EFNA5: variants seen among roughly 807,000 people sequenced by gnomAD.
EFNA5 encodes ephrin-A5.
EFNA5 carries 5 observed loss-of-function variants against 22.9 expected under a neutral mutation model. That is an observed-to-expected ratio of 0.22 (90% CI 0.11 to 0.46). The LOEUF (loss-of-function observed/expected upper bound fraction) is 0.46. Among genes scored for constraint, EFNA5 ranks in the 20% least tolerant of loss-of-function variants. The pLI is 0.99. For synonymous variants in EFNA5, 113 were observed against 112.2 expected, an observed-to-expected ratio of 1.01 and a Z score of -0.04; for missense variants, 237 against 293.3, an observed-to-expected ratio of 0.81 and a Z score of 1.40.
chr5:107,391,050 T>C (rs1398784339), intron 2 of EFNA5, among the ~76,000 whole-genome samples: 1 of 152,114 alleles, frequency 6.6e-6, no homozygotes, highest in East Asian at 1.9e-4. Flanking sequence ...TCCCAGCTAC[T>C]CGGGAGGCTA....
intron 1 of EFNA5, among the ~76,000 whole-genome samples, chr5:107,556,190 G>T (rs1297020339): frequency 6.6e-6 from 1 of 152,168 alleles, no homozygotes; most frequent in Non-Finnish European, 1.5e-5. Flanking sequence ...GGCACTCACA[G>T]TTTCCTATCC....
intron 1 of EFNA5, among the ~76,000 whole-genome samples, chr5:107,549,198 G>C (rs1748232655): frequency 6.6e-6 from 1 of 152,170 alleles, no homozygotes; most frequent in South Asian, 2.1e-4. Flanking sequence ...TGATTTACAT[G>C]ATAGTTTTTC....
intron 1 of EFNA5, among the ~76,000 whole-genome samples, chr5:107,559,978 C>G (rs1006460290): frequency 1.3e-5 from 2 of 152,174 alleles, no homozygotes; most frequent in Admixed American, 1.3e-4. Flanking sequence ...AAGGAACAGG[C>G]TGGCTGTGGG....
intron 1 of EFNA5, among the ~76,000 whole-genome samples, chr5:107,563,616 G>A (rs570375212): frequency 6.6e-6 from 1 of 151,926 alleles, no homozygotes; most frequent in African/African-American, 2.4e-5. Context: ...TTCATTTTTT[G>A]TAGAAATGGG....
At chr5:107,475,950 T>C (rs1220435364) in intron 1 of EFNA5, among the ~76,000 whole-genome samples, 1 of 148,092 alleles carries the variant, frequency 6.8e-6, no homozygotes, top group Non-Finnish European at 1.5e-5. Flanking sequence ...ACTGTGTTCA[T>C]GTTTTTCACA....
chr5:107,571,512 T>C (rs1268308944), intron 1 of EFNA5, among the ~76,000 whole-genome samples: 1 of 151,158 alleles, frequency 6.6e-6, no homozygotes, highest in Non-Finnish European at 1.5e-5. Flanking sequence ...ATGCTGAAGC[T>C]GCTTATAAAT....
rs1747444836 is a variant in EFNA5 at position 107,381,159 on chromosome 5, C to G, written c.*96G>C. 6.8e-7 allele frequency: 1 copy of G among 1,468,954 alleles called. No homozygotes were observed. The highest frequency in any genetic ancestry group is 2.4e-5 in the East Asian group (1 of 42,462). 91.0% of individuals were successfully genotyped at this position (1,468,954 alleles called of 1,614,324 possible). On this transcript the variant is annotated 3_prime_UTR_variant, in exon 5 of 5. Coordinates refer to ENST00000333274, the MANE Select transcript of EFNA5 (RefSeq NM_001962.3). ...CAAAAATCTGACATCTGCCAAAACC[C>G]AATAACAAGTCCCTTCTTAGGATGA...
intron 1 of EFNA5, among the ~76,000 whole-genome samples, chr5:107,639,327 G>A (rs925122696): frequency 3.9e-5 from 6 of 152,218 alleles, no homozygotes; most frequent in Non-Finnish European, 8.8e-5. Flanking sequence ...GCTAGCAGCA[G>A]AAGCTCAGTG....
At chr5:107,397,881 A>G (rs1747972037) in intron 2 of EFNA5, among the ~76,000 whole-genome samples, 1 of 152,178 alleles carries the variant, frequency 6.6e-6, no homozygotes, top group Non-Finnish European at 1.5e-5. Context: ...AGGACAGCCA[A>G]TCTCAGGGAC....
chr5:107,497,243 A>C (rs1747011502), intron 1 of EFNA5, among the ~76,000 whole-genome samples: 1 of 152,236 alleles, frequency 6.6e-6, no homozygotes, highest in Admixed American at 6.5e-5. Flanking sequence ...CTCCTAACTC[A>C]TTTGTAGGAA....
At chr5:107,645,681 A>T (rs1750621734) in intron 1 of EFNA5, among the ~76,000 whole-genome samples, 1 of 152,214 alleles carries the variant, frequency 6.6e-6, no homozygotes, top group Non-Finnish European at 1.5e-5. Context: ...AAAGTCATGA[A>T]TTCTTTACAG....
At chr5:107,390,744 T>C (rs1747770501) in intron 2 of EFNA5, among the ~76,000 whole-genome samples, 2 of 151,788 alleles carry the variant, frequency 1.3e-5, no homozygotes, top group South Asian at 2.1e-4. Context: ...TCACTATATA[T>C]AACTTCTTGT....
chr5:107,657,054 GGAACATAT>G (rs1397534293), intron 1 of EFNA5, among the ~76,000 whole-genome samples: 1 of 152,018 alleles, frequency 6.6e-6, no homozygotes, highest in East Asian at 1.9e-4. Context: ...AATCTGTATA[GGAACATAT>G]ATTAGTATAT....
At chr5:107,449,869 A>C (rs1749509647) in intron 1 of EFNA5, among the ~76,000 whole-genome samples, 2 of 152,206 alleles carry the variant, frequency 1.3e-5, no homozygotes, top group Non-Finnish European at 2.9e-5. Flanking sequence ...CCTTAAGTGC[A>C]GGGAAAATTT....
chr5:107,617,522 G>C (rs956123655), intron 1 of EFNA5, among the ~76,000 whole-genome samples: 1 of 152,062 alleles, frequency 6.6e-6, no homozygotes, highest in South Asian at 2.1e-4. Context: ...AGCTTTCCCC[G>C]CCACCATTAT....
intron 1 of EFNA5, among the ~76,000 whole-genome samples, chr5:107,562,267 A>G (rs1748564548): frequency 6.6e-6 from 1 of 152,158 alleles, no homozygotes. Context: ...CCAAATTAAT[A>G]CCAGTGAAGT....
In EFNA5 at chr5:107,637,709, TAC is replaced by T. The variant is rs1275731225; in HGVS notation, c.125+32778_125+32779del. On this transcript the variant is annotated intron_variant, in intron 1 of 4. Transcript: ENST00000333274. ...TAATCAGTTTAAATTTAAAAGCCCC[TAC>T]AGATTATATATAATATATAATTTAT... 2.7e-5 allele frequency among the ~76,000 whole-genome samples: 4 copies of T among 148,574 alleles called. No individual in the cohort carries two copies. The Admixed American group carries it at 2.7e-4, about 10-fold the overall frequency.
intron 1 of EFNA5, among the ~76,000 whole-genome samples, chr5:107,446,242 T>C (rs1034234302): frequency 8.5e-5 from 13 of 152,236 alleles, no homozygotes; most frequent in Non-Finnish European, 1.5e-4. Context: ...GTGCTCAGTA[T>C]GTATTAAAAC....
intron 1 of EFNA5, among the ~76,000 whole-genome samples, chr5:107,634,517 A>G (rs1026135084): frequency 1.4e-5 from 2 of 147,496 alleles, no homozygotes; most frequent in Non-Finnish European, 3.0e-5. Context: ...CCTCTCACAA[A>G]AAAAGAAGAA....
Sources: gnomAD v4.1 joint callset for allele counts (sites outside exome capture counted in the v4.1 genomes callset) on GRCh38, gnomAD v4.1.1 for gene constraint, MANE v1.5 for transcripts, NCBI Gene and HGNC (gene_info 2026-07-23, HGNC 2026-07-21) for gene names.